Variants in SLC7A9 observed in about 807,000 individuals in gnomAD.
SLC7A9 encodes B(0,+)-type amino acid transporter 1.
Under a neutral mutation model 54.1 loss-of-function variants are expected in SLC7A9, and 38 were observed. The ratio of observed to expected loss-of-function variants is 0.70; its 90% CI spans 0.54 to 0.92. SLC7A9 has a LOEUF of 0.92. Ranked by LOEUF, SLC7A9 falls within the 40% of genes least tolerant of loss-of-function variation. The pLI, the probability that SLC7A9 is intolerant of heterozygous loss-of-function variation, is 0.00. For missense variants in SLC7A9, 537 were observed against 636.1 expected, an observed-to-expected ratio of 0.84 and a Z score of 1.68; for synonymous variants, 264 against 258.9, an observed-to-expected ratio of 1.02 and a Z score of -0.19.
Position 32,859,967 on chromosome 19 carries a change from G to C in SLC7A9, c.750-3C>G. On this transcript the variant is annotated splice_polypyrimidine_tract_variant and splice_region_variant and intron_variant, in intron 7 of 12. Coordinates refer to ENST00000023064, the MANE Select transcript of SLC7A9 (RefSeq NM_014270.5). ...TGATAATGGCCAAAGGCAGGTTTCTGGGAGGGGCAATGACACGGAGACCCA... is the reference window on the plus strand; with the variant it reads ...TGATAATGGCCAAAGGCAGGTTTCTCGGAGGGGCAATGACACGGAGACCCA... 6.2e-7 allele frequency: 1 copy of C among 1,614,144 alleles called. No individual in the cohort carries two copies. The highest frequency in any genetic ancestry group is 8.5e-7 in the Non-Finnish European group (1 of 1,180,002).
intron 8 of SLC7A9, 38 bp from the exon 9 acceptor site, chr19:32,858,581 T>TCGGCC (rs775660976): frequency 1.3e-6 from 2 of 1,555,956 alleles, no homozygotes; most frequent in Non-Finnish European, 1.8e-6. Context: ...AGGGTCTTTC[T>TCGGCC]TGGCCTCCAA....
At position 32,842,304 on chromosome 19, in the gene SLC7A9, G is replaced by T; in HGVS notation, c.1088C>A (p.Thr363Lys). ...TATGTCACCAGGGATGATATAAATCGTTGCTATGATACCCTAATAGAAAGA... is the reference window on the plus strand; with the variant it reads ...TATGTCACCAGGGATGATATAAATCTTTGCTATGATACCCTAATAGAAAGA... Reference protein sequence around the residue: ...PAIIFYGIIATIYIIPGDINS... With the variant: ...PAIIFYGIIAKIYIIPGDINS... Residue 363 changes from threonine (T) to lysine (K), a missense_variant, in exon 11 of 13, where the codon ACG becomes AAG. By Grantham distance (78) the Thr-to-Lys change is moderately conservative. Coordinates refer to ENST00000023064, the MANE Select transcript of SLC7A9 (RefSeq NM_014270.5). 1 of 1,613,656 alleles carries T rather than the reference G, an allele frequency of 6.2e-7. No individual in the cohort carries two copies. Among genetic ancestry groups the T allele is most frequent in the East Asian group, 2.2e-5 (1 of 44,880 alleles).
intron 4 of SLC7A9, 80 bp from the exon 5 acceptor site, chr19:32,862,666 T>A (rs866872907): frequency 6.1e-6 from 8 of 1,307,620 alleles, no homozygotes; most frequent in South Asian, 1.6e-5. Flanking sequence ...TATATATTTT[T>A]TATTTTTTTT....
intron 11 of SLC7A9, among the ~76,000 whole-genome samples, chr19:32,834,135 T>C (rs1440636994): frequency 6.6e-6 from 1 of 152,168 alleles, no homozygotes; most frequent in Non-Finnish European, 1.5e-5. Flanking sequence ...CAGAAGGTCC[T>C]GTGCGGGGCG....
At chr19:32,831,543 C>G (rs549811178) in intron 12 of SLC7A9, among the ~76,000 whole-genome samples, 1 of 152,192 alleles carries the variant, frequency 6.6e-6, no homozygotes, top group Admixed American at 6.5e-5. Flanking sequence ...CCCCCTCAGC[C>G]TCCCAAAGTG....
intron 11 of SLC7A9, among the ~76,000 whole-genome samples, chr19:32,839,818 C>T (rs1968079556): frequency 6.6e-6 from 1 of 152,232 alleles, no homozygotes; most frequent in Admixed American, 6.5e-5. Context: ...GGAGGGGATG[C>T]CCAAAGCATT....
intron 11 of SLC7A9, among the ~76,000 whole-genome samples, chr19:32,837,492 CAAAAAAAAA>C (rs57648590): frequency 1.6e-4 from 9 of 54,574 alleles, no homozygotes; most frequent in Admixed American, 1.0e-3. Context: ...GATTCCATCT[CAAAAAAAAA>C]AAAAAAAAAA....
At chr19:32,834,945 C>G (rs903247587) in intron 11 of SLC7A9, among the ~76,000 whole-genome samples, 1 of 152,022 alleles carries the variant, frequency 6.6e-6, no homozygotes, top group Non-Finnish European at 1.5e-5. Flanking sequence ...CGTGTGCCAA[C>G]ATGCCCAGCT....
chr19:32,833,965 CT>C (rs1188529091), intron 11 of SLC7A9, among the ~76,000 whole-genome samples: 3 of 152,112 alleles, frequency 2.0e-5, no homozygotes, highest in Admixed American at 2.0e-4. Flanking sequence ...TCTGGTTATT[CT>C]GAATTGCAGT....
At chr19:32,855,860 A>G (rs1377704079) in intron 9 of SLC7A9, among the ~76,000 whole-genome samples, 1 of 152,142 alleles carries the variant, frequency 6.6e-6, no homozygotes, top group African/African-American at 2.4e-5. Context: ...TGACCTGCTC[A>G]TTGCACCCTT....
intron 7 of SLC7A9, 45 bp from the exon 8 acceptor site, chr19:32,860,009 T>C (rs778018648): frequency 1.2e-6 from 2 of 1,613,620 alleles, no homozygotes; most frequent in Non-Finnish European, 1.7e-6. Flanking sequence ...GACCACAGCC[T>C]CCCGCGGAAG....
intron 9 of SLC7A9, among the ~76,000 whole-genome samples, chr19:32,851,785 CAA>C (rs1378566186): frequency 3.3e-5 from 5 of 152,066 alleles, no homozygotes; most frequent in African/African-American, 1.2e-4. Flanking sequence ...TGTCCAACAA[CAA>C]TAGACTGGAT....
At chr19:32,843,762 G>A (rs1968195549) in intron 10 of SLC7A9, 93 bp downstream of exon 10, 1 of 838,212 alleles carries the variant, frequency 1.2e-6, no homozygotes, top group Admixed American at 1.9e-5. Context: ...AGGAATAAGG[G>A]CATCTGGGTC....
At chr19:32,867,693 C>A (rs934369778) in intron 2 of SLC7A9, among the ~76,000 whole-genome samples, 6 of 151,978 alleles carry the variant, frequency 3.9e-5, no homozygotes, top group African/African-American at 1.2e-4. Flanking sequence ...GCCTGTAATC[C>A]CAACACTTTG....
chr19:32,867,929 C>CAAAAAAA (rs57446079), intron 2 of SLC7A9, among the ~76,000 whole-genome samples: 6 of 66,020 alleles, frequency 9.1e-5, no homozygotes, highest in African/African-American at 1.4e-4. Context: ...GACTCTGTCT[C>CAAAAAAA]AAAAAAAAAA....
At chr19:32,852,680 G>A (rs570354472) in intron 9 of SLC7A9, among the ~76,000 whole-genome samples, 58 of 152,210 alleles carry the variant, frequency 3.8e-4, no homozygotes, top group African/African-American at 1.4e-3. Context: ...CAGGAGGATG[G>A]GAGTTGATTA....
chr19:32,867,407 C>T (rs560577113), intron 2 of SLC7A9, among the ~76,000 whole-genome samples: 1 of 152,124 alleles, frequency 6.6e-6, no homozygotes, highest in African/African-American at 2.4e-5. Flanking sequence ...GTCCCAGCTA[C>T]TCAGGAGGCT....
intron 9 of SLC7A9, among the ~76,000 whole-genome samples, chr19:32,853,068 G>C (rs1021885688): frequency 1.3e-5 from 2 of 151,830 alleles, no homozygotes; most frequent in Non-Finnish European, 2.9e-5. Context: ...CGCCCACCAC[G>C]TCCGGCTAAT....
chr19:32,842,538 T>G (rs889997400), intron 10 of SLC7A9, among the ~76,000 whole-genome samples: 1 of 152,198 alleles, frequency 6.6e-6, no homozygotes, highest in African/African-American at 2.4e-5. Context: ...TCTTTGAGGT[T>G]GTGATTTTAA....
Sources: gnomAD v4.1 joint callset for allele counts (sites outside exome capture counted in the v4.1 genomes callset) on GRCh38, gnomAD v4.1.1 for gene constraint, MANE v1.5 for transcripts, NCBI Gene and HGNC (gene_info 2026-07-23, HGNC 2026-07-21) for gene names.